The following IRAG1 variants were observed in gnomAD, a reference collection of about 807,000 sequenced individuals.
IRAG1 encodes IP3R-associated cGMP kinase substrate.
IRAG1 carries 62 observed loss-of-function variants against 106.2 expected under a neutral mutation model. The ratio of observed to expected loss-of-function variants is 0.58; its 90% confidence interval spans 0.48 to 0.72. The LOEUF is 0.72. IRAG1 is among the 30% of genes least tolerant of loss of function. IRAG1 has a pLI of 0.00. For synonymous variants in IRAG1, 462 were observed against 443.9 expected (o/e 1.04, Z -0.51); for missense variants, 1,064 against 1,140.7 (o/e 0.93, Z 0.97).
chr11:10,667,003 A>T lies in IRAG1; in HGVS notation c.68-14821T>A, dbSNP rs532659642. ...CCAGGCTCCTTAGGTCGGCTCAGAC[A>T]CCCCTCTTTCCTGTGCCCACAGTTG... On this transcript the variant is annotated intron_variant, in intron 1 of 20. Transcript: ENST00000423302. 2.0e-5 allele frequency among the ~76,000 whole-genome samples: 3 copies of T among 152,172 alleles called. No individual in the cohort carries two copies. In the South Asian group the frequency reaches 6.2e-4, roughly 32 times the overall value.
intron 1 of IRAG1, among the ~76,000 whole-genome samples, chr11:10,682,741 T>C (rs531492864): frequency 1.1e-4 from 16 of 152,326 alleles, no homozygotes; most frequent in Non-Finnish European, 1.8e-4. Context: ...AAGACAACTA[T>C]AAATAAGTGG....
intron 13 of IRAG1, 40 bp downstream of exon 13, chr11:10,604,365 C>G (rs769503155): frequency 6.2e-7 from 1 of 1,612,830 alleles, no homozygotes; most frequent in Non-Finnish European, 8.5e-7. Flanking sequence ...TGGGGACAGT[C>G]TCTGCTCCAG....
rs1564929279 is a variant in IRAG1, at chr11:10,652,018, CACTT to C, written c.225+3_225+6del. 1.3e-6 allele frequency: 2 copies of C among 1,558,988 alleles called. No homozygotes were observed. Among genetic ancestry groups the C allele is most frequent in the East Asian group, 4.8e-5 (2 of 42,072 alleles). On this transcript the variant is annotated splice_donor_5th_base_variant and intron_variant, in intron 2 of 20. Transcript: ENST00000423302. ...AGGCTAGCTGAGGGCAGGGAGGGGGCACTTACTTGGCCGGCAGGGCTCTGGGCTG... is the reference window on the plus strand; with the variant it reads ...AGGCTAGCTGAGGGCAGGGAGGGGGCACTTGGCCGGCAGGGCTCTGGGCTG...
At chr11:10,689,642 A>G (rs562795183) in intron 1 of IRAG1, among the ~76,000 whole-genome samples, 1 of 152,362 alleles carries the variant, frequency 6.6e-6, no homozygotes, top group South Asian at 2.1e-4. Flanking sequence ...AGGAACAGTG[A>G]TTAAATTGTT....
At chr11:10,586,152 T>A (rs1851951243) in intron 18 of IRAG1, 1 of 149,910 alleles carries the variant, frequency 6.7e-6, no homozygotes, top group South Asian at 2.2e-4. Flanking sequence ...GGCCTTTGTT[T>A]ACTGTGTGTG....
chr11:10,655,249 A>G (rs1858828874), intron 1 of IRAG1, among the ~76,000 whole-genome samples: 1 of 152,234 alleles, frequency 6.6e-6, no homozygotes, highest in African/African-American at 2.4e-5. Context: ...TACACAAAGT[A>G]TATTGTGCTC....
chr11:10,584,539 C>G (rs1851729174), intron 18 of IRAG1, among the ~76,000 whole-genome samples: 1 of 106,496 alleles, frequency 9.4e-6, no homozygotes, highest in Non-Finnish European at 2.0e-5. Flanking sequence ...GAAAGTAATT[C>G]TTTCATGAAA....
chr11:10,582,230 C>T lies in IRAG1; in HGVS notation c.2241-244G>A, dbSNP rs182272099. Among the ~76,000 whole-genome samples the T allele has an allele frequency of 3.1e-3, 469 of 152,226 alleles. 1 individual carries two copies. Among genetic ancestry groups the T allele is most frequent in the African/African-American group, 0.011 (443 of 41,546 alleles). On this transcript the variant is annotated intron_variant, in intron 18 of 20. Coordinates refer to ENST00000423302, the MANE Select transcript of IRAG1 (RefSeq NM_130385.4). ...CCTTCTCCTCATGCTCCCAAACTGG[C>T]GTTTATTCTTATTCCAGGAGATGCT...
At chr11:10,670,594 T>C (rs10840466) in intron 1 of IRAG1, among the ~76,000 whole-genome samples, 32,663 of 152,206 alleles carry the variant, frequency 0.21, 4,947 homozygotes, top group East Asian at 0.81. Flanking sequence ...ATGGGCTTAA[T>C]TGTGCCCCCC....
chr11:10,591,273 G>A (rs1852636946), intron 18 of IRAG1, among the ~76,000 whole-genome samples: 1 of 152,124 alleles, frequency 6.6e-6, no homozygotes, highest in African/African-American at 2.4e-5. Flanking sequence ...TATTTTGTCT[G>A]TAGCCCAAGG....
At chr11:10,679,958 T>C (rs1417702729) in intron 1 of IRAG1, among the ~76,000 whole-genome samples, 1 of 151,868 alleles carries the variant, frequency 6.6e-6, no homozygotes, top group Admixed American at 6.6e-5. Flanking sequence ...TTCCAAGGAG[T>C]ATCTCAAAGT....
At chr11:10,630,863 C>T (rs938316400) in intron 4 of IRAG1, among the ~76,000 whole-genome samples, 15 of 152,214 alleles carry the variant, frequency 9.9e-5, no homozygotes, top group Admixed American at 8.5e-4. Flanking sequence ...GCTAACCCCC[C>T]TCCCCTGTGC....
intron 1 of IRAG1, among the ~76,000 whole-genome samples, chr11:10,680,378 A>AAGGG (rs1861099642): frequency 1.3e-4 from 10 of 74,138 alleles, no homozygotes; most frequent in African/African-American, 2.4e-4. Context: ...AGAAGGAAGG[A>AAGGG]AGGAAGGAAG....
intron 3 of IRAG1, among the ~76,000 whole-genome samples, chr11:10,633,208 G>C (rs1036231600): frequency 1.3e-5 from 2 of 151,594 alleles, no homozygotes; most frequent in African/African-American, 4.8e-5. Flanking sequence ...CCGAGTAGCT[G>C]GGACTACAGG....
At chr11:10,636,521 T>A (rs1429837396) in intron 2 of IRAG1, among the ~76,000 whole-genome samples, 1 of 152,248 alleles carries the variant, frequency 6.6e-6, no homozygotes, top group Non-Finnish European at 1.5e-5. Flanking sequence ...ATATGATTAA[T>A]GTTTTAAATA....
chr11:10,597,659 CTG>C, intron 15 of IRAG1, among the ~76,000 whole-genome samples: 1 of 152,268 alleles, frequency 6.6e-6, no homozygotes, highest in East Asian at 1.9e-4. Context: ...ACCCAGCTAC[CTG>C]TAACAATTTT....
At chr11:10,672,741 C>A (rs1396534469) in intron 1 of IRAG1, among the ~76,000 whole-genome samples, 1 of 152,160 alleles carries the variant, frequency 6.6e-6, no homozygotes, top group Non-Finnish European at 1.5e-5. Context: ...AATGGCGTAA[C>A]CGCTTTGGAA....
At position 10,628,994 on chromosome 11, in the gene IRAG1, C is replaced by G. The variant is rs1448796926; in HGVS notation, c.575-166G>C. On this transcript the variant is annotated intron_variant, in intron 5 of 20. Transcript: ENST00000423302. The surrounding 1 kb of genome is among the most constrained non-coding windows in gnomAD (Gnocchi z 4.1). Reference sequence around the variant, plus strand: ...TGATGCTCCTGTTACAGCCCAACCCCTCCCTGCTGCTGCTCAAGAGATGGG... The same window carrying G: ...TGATGCTCCTGTTACAGCCCAACCCGTCCCTGCTGCTGCTCAAGAGATGGG... Among the ~76,000 whole-genome samples the G allele has an allele frequency of 6.6e-6, 1 of 152,132 alleles. No homozygotes were observed.
In IRAG1 at chr11:10,639,112, G is replaced by T. The variant is rs528945486; in HGVS notation, c.226-5041C>A. On this transcript the variant is annotated intron_variant, in intron 2 of 20. Coordinates refer to ENST00000423302, the MANE Select transcript of IRAG1 (RefSeq NM_130385.4). ...TTTTTGTATTTTTAGTAGAGATGGG[G>T]TTTCACCACATTGGTCAGGCTGGTC... Among the ~76,000 whole-genome samples, 261 of 152,174 alleles carry T rather than the reference G, an allele frequency of 1.7e-3. 1 individual carries two copies. The highest frequency in any genetic ancestry group is 0.012 in the South Asian group (60 of 4,812).
Sources: gnomAD v4.1 joint callset for allele counts (sites outside exome capture counted in the v4.1 genomes callset) on GRCh38, gnomAD v4.1.1 for gene constraint, Gnocchi (gnomAD v3.1) non-coding constraint, MANE v1.5 for transcripts, NCBI Gene and HGNC (gene_info 2026-07-23, HGNC 2026-07-21) for gene names.